The following PKIB variants were observed in gnomAD, a reference collection of about 807,000 sequenced individuals.
PKIB encodes PKI-beta.
PKIB carries 2 observed loss-of-function variants against 4.5 expected under a neutral mutation model. That is an observed-to-expected ratio of 0.44 (90% CI 0.18 to 1.39). The LOEUF (loss-of-function observed/expected upper bound fraction) is 1.39, where lower values mean the gene tolerates loss of function less well. Among genes scored for constraint, PKIB ranks in the 40% most tolerant of loss-of-function variants. The pLI is 0.27. For missense variants in PKIB, 94 were observed against 92.6 expected (o/e 1.02, Z -0.06); for synonymous variants, 38 against 36.0 (o/e 1.06, Z -0.20).
intron 3 of PKIB, among the ~76,000 whole-genome samples, chr6:122,587,953 T>C (rs1773900754): frequency 6.6e-6 from 1 of 152,094 alleles, no homozygotes; most frequent in Non-Finnish European, 1.5e-5. Flanking sequence ...ATTGCAAAAA[T>C]TTTCTCCCAT....
chr6:122,710,762 G>A (rs762094834), intron 3 of PKIB, among the ~76,000 whole-genome samples: 4 of 152,130 alleles, frequency 2.6e-5, no homozygotes, highest in African/African-American at 4.8e-5. Flanking sequence ...ATCTAGCGTG[G>A]GGCTTTGCAG....
chr6:122,715,876 T>C (rs1178355964), intron 3 of PKIB, among the ~76,000 whole-genome samples: 1 of 152,132 alleles, frequency 6.6e-6, no homozygotes, highest in Admixed American at 6.6e-5. Context: ...TTGATTTGCA[T>C]GCCTGAGTGC....
intron 1 of PKIB, among the ~76,000 whole-genome samples, chr6:122,475,408 AC>A (rs932949235): frequency 2.0e-5 from 3 of 152,118 alleles, no homozygotes; most frequent in Non-Finnish European, 2.9e-5. Context: ...TATTTCCAAC[AC>A]TCCAGAGACT....
intron 2 of PKIB, among the ~76,000 whole-genome samples, chr6:122,529,226 A>G (rs560804477): frequency 1.2e-4 from 18 of 152,016 alleles, no homozygotes; most frequent in Non-Finnish European, 5.9e-5. Context: ...TATTACATAG[A>G]TATTTTCTTT....
chr6:122,656,106 C>A (rs1025448562), intron 2 of PKIB, among the ~76,000 whole-genome samples: 9 of 151,948 alleles, frequency 5.9e-5, no homozygotes. Flanking sequence ...TCTAGGAAAT[C>A]TTCAGGCTTA....
At chr6:122,560,220 A>G (rs1356437692) in intron 2 of PKIB, among the ~76,000 whole-genome samples, 1 of 151,584 alleles carries the variant, frequency 6.6e-6, no homozygotes, top group African/African-American at 2.4e-5. Flanking sequence ...TGTCCCTTGT[A>G]TGCTGATTTT....
intron 2 of PKIB, among the ~76,000 whole-genome samples, chr6:122,566,826 T>A (rs1182550016): frequency 6.6e-6 from 1 of 152,212 alleles, no homozygotes; most frequent in Non-Finnish European, 1.5e-5. Context: ...TTTTTAACAT[T>A]ATAAATAACA....
chr6:122,579,741 A>T (rs890610768), intron 2 of PKIB, among the ~76,000 whole-genome samples: 1 of 152,200 alleles, frequency 6.6e-6, no homozygotes, highest in Non-Finnish European at 1.5e-5. Flanking sequence ...TAAATAAAGA[A>T]TATTTTTACT....
chr6:122,623,960 T>C (rs1490552428), intron 1 of PKIB, among the ~76,000 whole-genome samples: 1 of 152,178 alleles, frequency 6.6e-6, no homozygotes, highest in Non-Finnish European at 1.5e-5. Flanking sequence ...CATTATTCTT[T>C]GTGACAAGAA....
chr6:122,652,255 A>C (rs1395903553), intron 2 of PKIB, among the ~76,000 whole-genome samples: 5 of 151,640 alleles, frequency 3.3e-5, no homozygotes, highest in Admixed American at 2.6e-4. Context: ...ATGTATATAC[A>C]TACCTATATA....
At chr6:122,658,813 T>C (rs1776873197) in intron 2 of PKIB, among the ~76,000 whole-genome samples, 1 of 98,680 alleles carries the variant, frequency 1.0e-5, no homozygotes, top group East Asian at 3.5e-4. Context: ...TAAATGTTTA[T>C]GTTAACAGTA....
intron 1 of PKIB, among the ~76,000 whole-genome samples, chr6:122,613,801 A>G (rs903200145): frequency 2.0e-5 from 3 of 151,916 alleles, no homozygotes; most frequent in African/African-American, 7.3e-5. Context: ...CCGTCTCTCT[A>G]AAAATACAAA....
rs941450074 is a variant in PKIB, at chr6:122,553,349, G to T, written c.-247-32572G>T. On this transcript the variant is annotated intron_variant, in intron 2 of 6. Coordinates refer to the PKIB transcript ENST00000392491. ...ACCGCAAATTACTTTTGCACCAACC[G>T]AATACTCAGTTTTCAGGGTCCACAA... is the stretch of plus-strand genomic sequence containing the variant. Among the ~76,000 whole-genome samples the T allele has an allele frequency of 2.6e-5, 4 of 152,124 alleles. No homozygotes were observed. In the East Asian group the frequency reaches 7.7e-4, roughly 29 times the overall value.
At chr6:122,558,759 AT>A (rs558235564) in intron 2 of PKIB, among the ~76,000 whole-genome samples, 22 of 152,146 alleles carry the variant, frequency 1.4e-4, no homozygotes, top group African/African-American at 5.3e-4. Flanking sequence ...ATTAATATAT[AT>A]TTTTTCCATA....
chr6:122,607,653 A>C (rs746786909), upstream of PKIB, among the ~76,000 whole-genome samples: 11 of 152,178 alleles, frequency 7.2e-5, no homozygotes, highest in Non-Finnish European at 1.6e-4. Flanking sequence ...CCAACCTCAT[A>C]AACTATTTAC....
At chr6:122,602,815 G>A (rs1359015743) in intron 3 of PKIB, among the ~76,000 whole-genome samples, 1 of 151,994 alleles carries the variant, frequency 6.6e-6, no homozygotes, top group African/African-American at 2.4e-5. Flanking sequence ...AATTAGCCGG[G>A]TGTGGTGGTG....
chr6:122,658,515 C>T (rs1027743432), intron 2 of PKIB, among the ~76,000 whole-genome samples: 9 of 152,182 alleles, frequency 5.9e-5, no homozygotes, highest in African/African-American at 2.2e-4. Context: ...TAATTGCCTT[C>T]ATTCATTTAT....
intron 2 of PKIB, among the ~76,000 whole-genome samples, chr6:122,522,614 A>G (rs1294656258): frequency 6.6e-6 from 1 of 152,116 alleles, no homozygotes; most frequent in Non-Finnish European, 1.5e-5. Context: ...AAAGTGTAGT[A>G]TCTGGGCTGG....
At chr6:122,587,713 G>A (rs553045786) in intron 3 of PKIB, among the ~76,000 whole-genome samples, 5 of 152,142 alleles carry the variant, frequency 3.3e-5, no homozygotes, top group South Asian at 2.1e-4. Flanking sequence ...TTTAATGATC[G>A]CCATTCTAAC....
Sources: allele counts gnomAD v4.1 joint callset (sites outside exome capture counted in the v4.1 genomes callset), GRCh38; gene constraint gnomAD v4.1.1; transcripts MANE v1.5; gene names NCBI Gene and HGNC (gene_info 2026-07-23, HGNC 2026-07-21).